MORF4L2: variants seen among roughly 807,000 people sequenced by gnomAD.
The protein encoded by MORF4L2 is mortality factor 4-like protein 2.
In MORF4L2, 1 loss-of-function variant was observed where a neutral mutation model predicts 12.0. That is an observed-to-expected ratio of 0.08 (90% confidence interval 0.03 to 0.40). MORF4L2 has a LOEUF of 0.40. Ranked by LOEUF, MORF4L2 falls within the 10% of genes least tolerant of loss-of-function variation. The probability of loss-of-function intolerance (pLI) is 0.98; values close to 1 mark genes in which losing one functional copy is unlikely to be tolerated. For missense variants in MORF4L2, 123 were observed against 214.0 expected, an observed-to-expected ratio of 0.57 and a Z score of 2.65; for synonymous variants, 69 against 81.6, an observed-to-expected ratio of 0.85 and a Z score of 0.83.
intron 2 of MORF4L2, among the ~76,000 whole-genome samples, chrX:103,678,948 A>C (rs1396997618): frequency 1.8e-5 from 2 of 112,277 alleles, no homozygotes; most frequent in African/African-American, 6.5e-5. Flanking sequence ...CTGAACAGCT[A>C]GCACAGTATG....
At position 103,676,433 on chromosome X, in the gene MORF4L2, G is replaced by A. The variant is rs758218428; in HGVS notation, c.595C>T (p.Leu199Phe). Reference sequence around the variant, plus strand: ...TACTGGGGCCTCTCAAATTTGTAGAGCAGCTGAGTGCCCAACATCACATTG... The same window carrying A: ...TACTGGGGCCTCTCAAATTTGTAGAACAGCTGAGTGCCCAACATCACATTG... Reference protein sequence around the residue: ...YFNVMLGTQLLYKFERPQYAE... With the variant: ...YFNVMLGTQLFYKFERPQYAE... Residue 199 changes from leucine to phenylalanine, a missense_variant, in exon 4 of 4, where the codon CTC becomes TTC. By Grantham distance (22) the Leu-to-Phe change is conservative (BLOSUM62 0). Coordinates refer to ENST00000441076, the MANE Select transcript of MORF4L2 (RefSeq NM_012286.3). The A allele has an allele frequency of 8.3e-7, 1 of 1,211,635 alleles. No homozygotes were observed. The highest frequency in any genetic ancestry group is 1.1e-6 in the Non-Finnish European group (1 of 895,452).
At chrX:103,680,504 G>GT (rs2073964427) in intron 2 of MORF4L2, among the ~76,000 whole-genome samples, 1 of 112,568 alleles carries the variant, frequency 8.9e-6, no homozygotes, top group East Asian at 2.8e-4. Context: ...GCATTAAATT[G>GT]TAAGCTATCA....
chrX:103,684,962 T>C (rs1603202256), intron 2 of MORF4L2: 1 of 112,765 alleles, frequency 8.9e-6, no homozygotes. Flanking sequence ...GTATCTTTTA[T>C]CAAGGGATGT....
chrX:103,686,124 T>TC (rs5903221), intron 1 of MORF4L2, among the ~76,000 whole-genome samples: 79 of 76,828 alleles, frequency 1.0e-3, no homozygotes, highest in Admixed American at 1.9e-3. Flanking sequence ...TTTCTTGCAC[T>TC]CCCCCCCCCC....
At chrX:103,678,935 TGGC>T (rs2073910591) in intron 2 of MORF4L2, among the ~76,000 whole-genome samples, 2 of 112,255 alleles carry the variant, frequency 1.8e-5, no homozygotes, top group African/African-American at 6.5e-5. Flanking sequence ...AAAGGTGATG[TGGC>T]TGAACAGCTA....
chrX:103,678,582 G>C lies in MORF4L2; in HGVS notation c.-108C>G, dbSNP rs768060095. 7 of 111,956 alleles carry C rather than the reference G, an allele frequency of 6.3e-5. No individual in the cohort carries two copies. Among genetic ancestry groups the C allele is most frequent in the Non-Finnish European group, 7.5e-5 (4 of 53,131 alleles). 9.2% of individuals were successfully genotyped at this position (111,956 alleles called of 1,213,427 possible). On this transcript the variant is annotated 5_prime_UTR_variant, in exon 3 of 4. Transcript: ENST00000441076. ...AGATCTTCTGGGATGGTCTAGAAGG[G>C]TGAAGTGGGAGATACAACCTAGAAA...
chrX:103,682,118 T>C (rs2073999039), intron 2 of MORF4L2, among the ~76,000 whole-genome samples: 1 of 111,741 alleles, frequency 8.9e-6, no homozygotes, highest in South Asian at 3.7e-4. Flanking sequence ...TAATTTGTTT[T>C]GACAAAGGTG....
chrX:103,683,360 ATTT>A (rs2074032459), intron 2 of MORF4L2, among the ~76,000 whole-genome samples: 1 of 112,658 alleles, frequency 8.9e-6, no homozygotes, highest in African/African-American at 3.2e-5. Context: ...CTCAGCAATT[ATTT>A]AACTTTTAAA....
At chrX:103,680,337 G>C (rs997391996) in intron 2 of MORF4L2, among the ~76,000 whole-genome samples, 2 of 112,710 alleles carry the variant, frequency 1.8e-5, no homozygotes, top group East Asian at 2.8e-4. Context: ...AAAGCTTTGA[G>C]CAGAAATTCA....
At position 103,675,647 on chromosome X, in the gene MORF4L2, C is replaced by G. The variant is rs1290848157; in HGVS notation, c.*514G>C. ...AGACTCAAATACAAAAACCATGAAA[C>G]AAATCACCATCCTTCAACAATTTGA... On this transcript the variant is annotated 3_prime_UTR_variant, in exon 4 of 4. Transcript: ENST00000441076. The G allele has an allele frequency of 8.9e-6, 1 of 111,866 alleles. No homozygotes were observed. Among genetic ancestry groups the G allele is most frequent in the African/African-American group, 3.3e-5 (1 of 30,585 alleles). The allele number at this position is 111,866 out of a possible 1,213,427, so 9.2% of individuals were successfully genotyped here.
intron 2 of MORF4L2, 45 bp from the exon 3 acceptor site, chrX:103,678,696 A>T (rs2073905032): frequency 8.8e-6 from 1 of 113,006 alleles, no homozygotes; most frequent in Admixed American, 9.3e-5. Context: ...CATGTGGTTT[A>T]TATGTTTACA....
intron 2 of MORF4L2, among the ~76,000 whole-genome samples, chrX:103,683,698 T>C (rs1342056774): frequency 8.9e-6 from 1 of 112,307 alleles, no homozygotes; most frequent in Non-Finnish European, 1.9e-5. Flanking sequence ...AATTTTTCAG[T>C]TAATCATCAT....
At chrX:103,684,540 G>A (rs923207579) in intron 2 of MORF4L2, 2 of 111,288 alleles carry the variant, frequency 1.8e-5, no homozygotes, top group South Asian at 3.7e-4. Context: ...AGAAACCAAC[G>A]GTATTAATTA....
chrX:103,682,565 T>C (rs1011119916), intron 2 of MORF4L2, among the ~76,000 whole-genome samples: 6 of 112,209 alleles, frequency 5.3e-5, no homozygotes, highest in Admixed American at 9.4e-5. Context: ...ATCTAACATG[T>C]AGTAAGATAA....
upstream of MORF4L2, chrX:103,687,158 C>T (rs549503891): frequency 2.8e-5 from 3 of 107,985 alleles, no homozygotes; most frequent in Admixed American, 9.8e-5. Flanking sequence ...TTTTCCCCCC[C>T]CACTGGGAGA....
intron 2 of MORF4L2, among the ~76,000 whole-genome samples, chrX:103,681,856 C>T (rs147967937): frequency 0.018 from 2,032 of 111,257 alleles, 46 homozygotes; most frequent in African/African-American, 0.062. Context: ...TGACAATCTT[C>T]GTTCACCTCA....
rs138357221 is a variant in MORF4L2 at position 103,678,285 on chromosome X, A to G, written c.-25+214T>C. 1.2e-3 allele frequency among the ~76,000 whole-genome samples: 137 copies of G among 111,417 alleles called. 4 individuals are homozygous for G. The East Asian group carries it at 0.033, about 27-fold the overall frequency. ...AGGACGAAAGGCATTTAAGGGATGC[A>G]CAGAGACCACAAATGAAACAAAAAT... On this transcript the variant is annotated intron_variant, in intron 3 of 3. Coordinates refer to ENST00000441076, the MANE Select transcript of MORF4L2 (RefSeq NM_012286.3).
At chrX:103,678,448 G>A (rs1171789730) in intron 3 of MORF4L2, 51 bp downstream of exon 3, 2 of 111,936 alleles carry the variant, frequency 1.8e-5, no homozygotes, top group Non-Finnish European at 3.8e-5. Context: ...GCAAAAAATA[G>A]TCTTCCATTA....
chrX:103,679,392 G>A (rs2073927454), intron 2 of MORF4L2, among the ~76,000 whole-genome samples: 1 of 105,038 alleles, frequency 9.5e-6, no homozygotes, highest in Admixed American at 1.0e-4. Context: ...GGTGGTGCAC[G>A]CCTGTAGTCT....
Sources: allele counts gnomAD v4.1 joint callset (sites outside exome capture counted in the v4.1 genomes callset), GRCh38; gene constraint gnomAD v4.1.1; transcripts MANE v1.5; gene names NCBI Gene and HGNC (gene_info 2026-07-23, HGNC 2026-07-21).